FAM120C: variants seen among roughly 807,000 people sequenced by gnomAD.
FAM120C encodes constitutive coactivator of PPAR-gamma-like protein 2.
A neutral mutation model predicts 71.2 loss-of-function variants in FAM120C; 14 were observed. The observed-to-expected ratio is 0.20, with a 90% CI of 0.13 to 0.31. The LOEUF is 0.31. FAM120C is among the 10% of genes least tolerant of loss of function. The pLI, the probability that FAM120C is intolerant of heterozygous loss-of-function variation, is 1.00. For missense variants in FAM120C, 500 were observed against 879.0 expected (o/e 0.57, Z 5.45); for synonymous variants, 354 against 353.2 (o/e 1.00, Z -0.03).
chrX:54,091,466 A>C, intron 10 of FAM120C, 40 bp from the exon 11 acceptor site: 63 of 1,006,685 alleles, frequency 6.3e-5, no homozygotes, highest in Non-Finnish European at 7.7e-5. Flanking sequence ...ACAAAAGCTC[A>C]CTTATTCATG....
At chrX:54,130,036 G>A in intron 9 of FAM120C, among the ~76,000 whole-genome samples, 1 of 92,790 alleles carries the variant, frequency 1.1e-5, no homozygotes, top group Middle Eastern at 5.4e-3. Flanking sequence ...GAGACCCTGG[G>A]GAGAGGGAGA....
At chrX:54,098,130 C>T (rs1557123641) in intron 10 of FAM120C, among the ~76,000 whole-genome samples, 2 of 106,605 alleles carry the variant, frequency 1.9e-5, no homozygotes, top group Non-Finnish European at 1.9e-5. Flanking sequence ...CAACCTCTGC[C>T]TCCCGGGTTC....
intron 10 of FAM120C, among the ~76,000 whole-genome samples, chrX:54,100,907 A>C (rs2066879074): frequency 9.0e-6 from 1 of 110,902 alleles, no homozygotes; most frequent in Non-Finnish European, 1.9e-5. Flanking sequence ...GTAACCTCAC[A>C]GTTCTAGGGA....
intron 4 of FAM120C, among the ~76,000 whole-genome samples, chrX:54,145,937 G>C (rs1266223393): frequency 4.4e-5 from 5 of 112,407 alleles, no homozygotes; most frequent in Non-Finnish European, 5.6e-5. Context: ...ACTGGATTAA[G>C]AAAATGTGGC....
At chrX:54,176,866 G>A (rs1398483455) in intron 1 of FAM120C, among the ~76,000 whole-genome samples, 3 of 110,992 alleles carry the variant, frequency 2.7e-5, no homozygotes, top group Non-Finnish European at 5.7e-5. Flanking sequence ...AGAATTATGC[G>A]ATATGAAAAT....
intron 8 of FAM120C, among the ~76,000 whole-genome samples, chrX:54,133,263 C>T (rs1403828314): frequency 3.6e-5 from 4 of 111,710 alleles, no homozygotes; most frequent in African/African-American, 1.3e-4. Flanking sequence ...TTGCTTGAAC[C>T]TCGGAGGCAG....
chrX:54,097,233 A>G (rs782077800), intron 10 of FAM120C, among the ~76,000 whole-genome samples: 105 of 112,111 alleles, frequency 9.4e-4, no homozygotes, highest in African/African-American at 3.3e-3. Flanking sequence ...ATGCAGGCCT[A>G]TGAGAGAGTG....
chrX:54,135,414 G>A lies in FAM120C; in HGVS notation c.1335+114C>T, dbSNP rs1432501662. ...AGCCTTAAGTTGAGAAGGTAATATA[G>A]TATATATAGCCCTGACAGTCTAATA... On this transcript the variant is annotated intron_variant, in intron 6 of 15. Coordinates refer to ENST00000375180, the MANE Select transcript of FAM120C (RefSeq NM_017848.6). The A allele has an allele frequency of 6.1e-6, 4 of 659,136 alleles. No homozygotes were observed. In the Admixed American group the frequency reaches 1.1e-4, roughly 18 times the overall value. The allele number at this position is 659,136 out of a possible 1,213,427, so 54.3% of individuals were successfully genotyped here. A position where few individuals can be genotyped will look rare whatever the true frequency, so the allele number is the denominator to read the frequency against.
At chrX:54,107,102 GT>G (rs1237567855) in intron 10 of FAM120C, among the ~76,000 whole-genome samples, 26 of 102,125 alleles carry the variant, frequency 2.5e-4, no homozygotes, top group Admixed American at 3.2e-4. Context: ...GTTTGTTTTG[GT>G]TTTTTTTTTT....
intron 10 of FAM120C, among the ~76,000 whole-genome samples, chrX:54,111,767 C>T (rs1441561234): frequency 4.5e-5 from 5 of 111,889 alleles, no homozygotes; most frequent in Admixed American, 9.6e-5. Context: ...TAATTTTCCA[C>T]AGAATTAGAA....
intron 13 of FAM120C, among the ~76,000 whole-genome samples, chrX:54,082,121 T>C (rs782718954): frequency 9.6e-6 from 1 of 103,796 alleles, no homozygotes; most frequent in South Asian, 4.6e-4. Context: ...AGGTGGAGGT[T>C]GCAGTGAGCC....
intron 8 of FAM120C, among the ~76,000 whole-genome samples, 185 bp from the exon 9 acceptor site, chrX:54,133,048 A>G (rs1723670645): frequency 8.9e-6 from 1 of 112,686 alleles, no homozygotes; most frequent in African/African-American, 3.2e-5. Flanking sequence ...TATAAGCTAT[A>G]TTTCATTTTT....
chrX:54,093,353 G>A (rs782803623), intron 10 of FAM120C, among the ~76,000 whole-genome samples: 2 of 112,105 alleles, frequency 1.8e-5, no homozygotes, highest in East Asian at 2.8e-4. Flanking sequence ...TGCAAGGGGT[G>A]TGATTTTAGA....
intron 4 of FAM120C, among the ~76,000 whole-genome samples, chrX:54,142,731 AAG>A (rs1569533068): frequency 8.9e-6 from 1 of 111,832 alleles, no homozygotes; most frequent in Non-Finnish European, 1.9e-5. Context: ...GACAGCTTTG[AAG>A]AGAGTAGTGG....
intron 12 of FAM120C, 137 bp from the exon 13 acceptor site, chrX:54,086,053 G>T: frequency 1.9e-6 from 1 of 523,425 alleles, no homozygotes; most frequent in Non-Finnish European, 3.1e-6. Context: ...TCGTTAAAGG[G>T]CTCAAAGCTA....
At chrX:54,132,983 A>G (rs1179329579) in intron 8 of FAM120C, 120 bp from the exon 9 acceptor site, 3 of 519,579 alleles carry the variant, frequency 5.8e-6, no homozygotes, top group Middle Eastern at 9.7e-4. Flanking sequence ...ATTTGTATTT[A>G]GACAGTTTCA....
intron 10 of FAM120C, among the ~76,000 whole-genome samples, chrX:54,093,685 A>C (rs1361824384): frequency 9.0e-6 from 1 of 111,678 alleles, no homozygotes; most frequent in African/African-American, 3.2e-5. Flanking sequence ...GTAGGGTCTA[A>C]TGAGTCAGAG....
In FAM120C at chrX:54,087,742, G is replaced by A. The variant is rs782640389; in HGVS notation, c.2637+13C>T. ...GATCAGAGCTAGTCCTTAGCAGCCTGACATGCTGGTACCTGGCCATCACAG... is the reference window on the plus strand; with the variant it reads ...GATCAGAGCTAGTCCTTAGCAGCCTAACATGCTGGTACCTGGCCATCACAG... On this transcript the variant is annotated intron_variant, in intron 12 of 15. Transcript: ENST00000375180. 1 of 1,205,104 alleles carries A rather than the reference G, an allele frequency of 8.3e-7. No homozygotes were observed. Among genetic ancestry groups the A allele is most frequent in the Admixed American group, 2.2e-5 (1 of 45,802 alleles).
rs781832613 is a variant in FAM120C, at chrX:54,183,085, G to GTGC, written c.111_113dup (p.Gln37dup). ...CAGTCGGCGGCAGCTGGCGGTGCAA[G>GTGC]TGCTGCTGCTGCTGCTGGCGCGAGA... On this transcript the variant is annotated inframe_insertion, in exon 1 of 16. Transcript: ENST00000375180. The GTGC allele has an allele frequency of 7.4e-5, 85 of 1,154,952 alleles. 1 individual carries two copies. Among genetic ancestry groups the GTGC allele is most frequent in the South Asian group, 2.9e-4 (15 of 52,166 alleles).
Sources: gnomAD v4.1 joint callset for allele counts (sites outside exome capture counted in the v4.1 genomes callset) on GRCh38, gnomAD v4.1.1 for gene constraint, MANE v1.5 for transcripts, NCBI Gene and HGNC (gene_info 2026-07-23, HGNC 2026-07-21) for gene names.